Variants in BCL2 observed in about 807,000 individuals in gnomAD.
The protein encoded by BCL2 is BCL2 apoptosis regulator.
BCL2 carries 1 observed loss-of-function variant against 14.2 expected under a neutral mutation model. The ratio of observed to expected loss-of-function variants is 0.07; its 90% CI spans 0.02 to 0.33. The LOEUF (loss-of-function observed/expected upper bound fraction) is 0.33, where lower values mean the gene tolerates loss of function less well. Ranked by LOEUF, BCL2 falls within the 10% of genes least tolerant of loss-of-function variation. The pLI, the probability that BCL2 is intolerant of heterozygous loss-of-function variation, is 0.99. For synonymous variants in BCL2, 151 were observed against 137.2 expected (o/e 1.10, Z -0.70); for missense variants, 247 against 305.9 (o/e 0.81, Z 1.44).
intron 2 of BCL2, among the ~76,000 whole-genome samples, chr18:63,138,540 C>T (rs923145553): frequency 7.9e-5 from 12 of 152,232 alleles, no homozygotes; most frequent in Admixed American, 2.0e-4. Flanking sequence ...CTGCCTGGGC[C>T]GGAGATGGTG....
chr18:63,318,037 G>C lies in BCL2; in HGVS notation c.585+45C>G, dbSNP rs1220102840. The stretch of plus-strand genomic sequence containing the variant: ...ACCCGCACTCCAACCCCCGCATCTC[G>C]GACCTGTGGCCTCAGCCCAGACTCA... On this transcript the variant is annotated intron_variant, in intron 2 of 2. Transcript: ENST00000333681. This position sits in a 1 kb window ranked among gnomAD's most constrained non-coding sequence, Gnocchi z 7.4. 6.3e-7 allele frequency: 1 copy of C among 1,597,936 alleles called. No homozygotes were observed. Among genetic ancestry groups the C allele is most frequent in the Admixed American group, 1.7e-5 (1 of 58,990 alleles).
At chr18:63,145,024 T>C (rs1465565724) in intron 2 of BCL2, among the ~76,000 whole-genome samples, 1 of 152,178 alleles carries the variant, frequency 6.6e-6, no homozygotes, top group Non-Finnish European at 1.5e-5. Flanking sequence ...TGATATAGAC[T>C]CAAATCCCCA....
At chr18:63,165,037 A>T (rs989615896) in intron 2 of BCL2, among the ~76,000 whole-genome samples, 3 of 152,236 alleles carry the variant, frequency 2.0e-5, no homozygotes, top group Non-Finnish European at 4.4e-5. Context: ...TAACCTGCAC[A>T]TTGTGCACAT....
intron 2 of BCL2, among the ~76,000 whole-genome samples, chr18:63,184,808 C>T (rs899597796): frequency 1.3e-5 from 2 of 152,172 alleles, no homozygotes; most frequent in Admixed American, 6.5e-5. Flanking sequence ...TGATGACATC[C>T]GAGTAAGTTG....
In BCL2 at chr18:63,316,631, C is replaced by G. The variant is rs187215667; in HGVS notation, c.585+1451G>C. Reference sequence around the variant, plus strand: ...TTTAGTTAATCTTACTTTTAAACACCAAACAGTGGCATCAATATTTTGTCA... The same window carrying G: ...TTTAGTTAATCTTACTTTTAAACACGAAACAGTGGCATCAATATTTTGTCA... On this transcript the variant is annotated intron_variant, in intron 2 of 2. Coordinates refer to ENST00000333681, the MANE Select transcript of BCL2 (RefSeq NM_000633.3). The G allele has an allele frequency of 4.6e-5, 7 of 152,162 alleles. 1 individual carries two copies. The East Asian group carries it at 1.3e-3, about 29-fold the overall frequency. 9.4% of individuals were successfully genotyped at this position (152,162 alleles called of 1,614,324 possible).
intron 2 of BCL2, among the ~76,000 whole-genome samples, chr18:63,178,021 T>C (rs1205042974): frequency 6.6e-6 from 1 of 152,070 alleles, no homozygotes; most frequent in African/African-American, 2.4e-5. Flanking sequence ...ACAGTCCCAG[T>C]GTGAGCTCAG....
In BCL2 at chr18:63,318,831, G is replaced by C; in HGVS notation, c.-165C>G. 2 of 1,412,980 alleles carry C rather than the reference G, an allele frequency of 1.4e-6. No homozygotes were observed. Among genetic ancestry groups the C allele is most frequent in the South Asian group, 3.2e-5 (2 of 63,188 alleles). The allele number at this position is 1,412,980 out of a possible 1,614,324, so 87.5% of individuals were successfully genotyped here. ...TCAATCACGCGGAACACTTGATTCT[G>C]GTGTTTCCCCCTTGGCATGAGATGC... On this transcript the variant is annotated 5_prime_UTR_variant, in exon 2 of 3. Transcript: ENST00000333681. This position sits in a 1 kb window ranked among gnomAD's most constrained non-coding sequence, Gnocchi z 7.4.
At chr18:63,234,083 T>G (rs1034130689) in intron 2 of BCL2, among the ~76,000 whole-genome samples, 2 of 152,210 alleles carry the variant, frequency 1.3e-5, no homozygotes, top group African/African-American at 4.8e-5. Context: ...CTTTTAAAAT[T>G]TAATTTTATT....
chr18:63,140,753 T>C (rs1914334612), intron 2 of BCL2, among the ~76,000 whole-genome samples: 1 of 152,206 alleles, frequency 6.6e-6, no homozygotes, highest in Admixed American at 6.5e-5. Context: ...CTTTTGAATA[T>C]GCTAAAAACC....
chr18:63,146,500 C>T (rs780252361), intron 2 of BCL2, among the ~76,000 whole-genome samples: 1 of 152,208 alleles, frequency 6.6e-6, no homozygotes, highest in Non-Finnish European at 1.5e-5. Context: ...GCCAGAGGCC[C>T]GCTCTACAAG....
At chr18:63,249,610 T>C (rs570134694) in intron 2 of BCL2, among the ~76,000 whole-genome samples, 1 of 148,820 alleles carries the variant, frequency 6.7e-6, no homozygotes, top group East Asian at 2.0e-4. Context: ...CTCGGGAGGC[T>C]GAGGCAGGAG....
intron 2 of BCL2, among the ~76,000 whole-genome samples, chr18:63,265,466 C>A (rs1461429368): frequency 6.6e-6 from 1 of 152,142 alleles, no homozygotes; most frequent in Non-Finnish European, 1.5e-5. Flanking sequence ...CAGTCTGACT[C>A]CACAGTTGGT....
Position 63,319,255 on chromosome 18 carries a change from A to C in BCL2, c.-368T>G, listed in dbSNP as rs550615446. 3 of 236,544 alleles carry C rather than the reference A, an allele frequency of 1.3e-5. No homozygotes were observed. The South Asian group carries it at 5.4e-4, about 42-fold the overall frequency. The allele number at this position is 236,544 out of a possible 1,614,324, so 14.7% of individuals were successfully genotyped here. A position where few individuals can be genotyped will look rare whatever the true frequency, so the allele number is the denominator to read the frequency against. ...AACAAATGCATAAGGCAACGATCCC[A>C]TCAATCTTCAGCACTCTCCAGTTAT... On this transcript the variant is annotated 5_prime_UTR_variant, in exon 1 of 3. It removes an upstream start codon present in the reference 5' UTR. Transcript: ENST00000333681.
chr18:63,259,424 C>T (rs1000110025), intron 2 of BCL2, among the ~76,000 whole-genome samples: 1 of 152,218 alleles, frequency 6.6e-6, no homozygotes, highest in Non-Finnish European at 1.5e-5. Context: ...AGCACCTTGC[C>T]GTTGGTTGGC....
chr18:63,261,906 A>G (rs1039596255), intron 2 of BCL2, among the ~76,000 whole-genome samples: 1 of 151,880 alleles, frequency 6.6e-6, no homozygotes, highest in African/African-American at 2.4e-5. Context: ...CAGCTTCCCA[A>G]GTAGCTGGGA....
At position 63,302,413 on chromosome 18, in the gene BCL2, T is replaced by G. The variant is rs1912990161; in HGVS notation, c.585+15669A>C. 3.0e-6 allele frequency: 3 copies of G among 985,304 alleles called. No individual in the cohort carries two copies. The East Asian group carries it at 3.4e-4, about 112-fold the overall frequency. 61.0% of individuals were successfully genotyped at this position (985,304 alleles called of 1,614,324 possible). On this transcript the variant is annotated intron_variant, in intron 2 of 2. Transcript: ENST00000333681. ...GTTTGGGGAGCCTGATGGTGAACTC[T>G]GTCTTGCTTAATGAAAGGTCACTAT...
intron 2 of BCL2, among the ~76,000 whole-genome samples, chr18:63,194,478 G>A (rs1208206572): frequency 1.3e-5 from 2 of 152,016 alleles, no homozygotes; most frequent in Non-Finnish European, 2.9e-5. Flanking sequence ...GGGATTACAG[G>A]CGTGCGCTAC....
chr18:63,249,869 A>G (rs1260026333), intron 2 of BCL2, among the ~76,000 whole-genome samples: 1 of 152,144 alleles, frequency 6.6e-6, no homozygotes, highest in African/African-American at 2.4e-5. Context: ...CTCCCCGTCT[A>G]CTTGGTGAAC....
chr18:63,262,264 A>T lies in BCL2; in HGVS notation c.585+55818T>A, dbSNP rs994969566. Among the ~76,000 whole-genome samples the T allele has an allele frequency of 8.5e-5, 13 of 152,240 alleles. 1 individual carries two copies. Among genetic ancestry groups the T allele is most frequent in the Non-Finnish European group, 1.6e-4 (11 of 68,044 alleles). On this transcript the variant is annotated intron_variant, in intron 2 of 2. Coordinates refer to ENST00000333681, the MANE Select transcript of BCL2 (RefSeq NM_000633.3). ...GTAAAGGCACAAGTACATTCATTGT[A>T]CAAGTACAGAATCCAGGAAAATCAT...
Sources: gnomAD v4.1 joint callset for allele counts (sites outside exome capture counted in the v4.1 genomes callset) on GRCh38, gnomAD v4.1.1 for gene constraint, Gnocchi (gnomAD v3.1) non-coding constraint, MANE v1.5 for transcripts, NCBI Gene and HGNC (gene_info 2026-07-23, HGNC 2026-07-21) for gene names.